Variants in SPATS2 observed in about 807,000 individuals in gnomAD.
SPATS2 encodes the protein spermatogenesis-associated serine-rich protein 2.
In SPATS2, 38 loss-of-function variants were observed where a neutral mutation model predicts 63.7. The ratio of observed to expected loss-of-function variants is 0.60; its 90% CI spans 0.46 to 0.78. The LOEUF (loss-of-function observed/expected upper bound fraction) is 0.78. Among genes scored for constraint, SPATS2 ranks in the 30% least tolerant of loss-of-function variants. The probability of loss-of-function intolerance (pLI) is 0.00; values close to 1 mark genes in which losing one functional copy is unlikely to be tolerated. For synonymous variants in SPATS2, 207 were observed against 232.9 expected, an observed-to-expected ratio of 0.89 and a Z score of 1.01; for missense variants, 588 against 666.2, an observed-to-expected ratio of 0.88 and a Z score of 1.29.
intron 2 of SPATS2, among the ~76,000 whole-genome samples, chr12:49,430,246 C>T (rs144486900): frequency 6.0e-5 from 9 of 149,250 alleles, no homozygotes; most frequent in African/African-American, 1.7e-4. Context: ...GATTACAGCA[C>T]GCCACCGTGC....
In SPATS2 at chr12:49,526,242, C is replaced by A; in HGVS notation, c.1625C>A (p.Ala542Asp). The A allele has an allele frequency of 6.2e-7, 1 of 1,608,344 alleles. No individual in the cohort carries two copies. Among genetic ancestry groups the A allele is most frequent in the South Asian group, 1.1e-5 (1 of 90,410 alleles). The change falls in exon 14 of 14, where the codon GCC becomes GAC. Residue 542 changes from alanine (A) to aspartate (D), a missense_variant. Coordinates refer to ENST00000552918, the MANE Select transcript of SPATS2 (RefSeq NM_023071.4). The stretch of plus-strand genomic sequence containing the variant: ...AAACCCAGGACCTCTCAGACTGAAG[C>A]CGTGAACTCTTGAGAGAAAATCCAG... ...QRKPRTSQTE[A>D]VNS
At chr12:49,513,210 AGTGTGTGTGTGT>A (rs71860115) in intron 9 of SPATS2, among the ~76,000 whole-genome samples, 4 of 148,024 alleles carry the variant, frequency 2.7e-5, no homozygotes, top group Non-Finnish European at 4.5e-5. Context: ...AGAGAGAAAG[AGTGTGTGTGTGT>A]GTGTGTGTGT....
At chr12:49,408,202 T>TA (rs1021538242) in intron 2 of SPATS2, among the ~76,000 whole-genome samples, 2 of 152,126 alleles carry the variant, frequency 1.3e-5, no homozygotes, top group South Asian at 2.1e-4. Context: ...ATAGCAGAGA[T>TA]ACGCCCGCTT....
At chr12:49,479,766 A>T (rs1478912945) in intron 3 of SPATS2, among the ~76,000 whole-genome samples, 1 of 152,262 alleles carries the variant, frequency 6.6e-6, no homozygotes, top group East Asian at 1.9e-4. Context: ...TGTATGTGTA[A>T]GGAATATCAG....
chr12:49,393,750 A>G (rs1944459768), intron 2 of SPATS2, among the ~76,000 whole-genome samples: 1 of 152,186 alleles, frequency 6.6e-6, no homozygotes, highest in Non-Finnish European at 1.5e-5. Context: ...ATGTGACCCC[A>G]GTAGTCTTTG....
At chr12:49,513,633 T>G (rs767534012) in intron 9 of SPATS2, among the ~76,000 whole-genome samples, 38 of 152,194 alleles carry the variant, frequency 2.5e-4, no homozygotes, top group Non-Finnish European at 5.3e-4. Context: ...TCCTTCCTAG[T>G]TACTATTATG....
chr12:49,490,646 G>A (rs149903457), intron 5 of SPATS2, 36 bp from the exon 6 acceptor site: 5 of 1,603,758 alleles, frequency 3.1e-6, no homozygotes, highest in Middle Eastern at 1.7e-4. Flanking sequence ...TGTGTGTGTG[G>A]TAGGAGACAA....
chr12:49,514,179 G>GT (rs1946801434), intron 9 of SPATS2, among the ~76,000 whole-genome samples: 1 of 151,624 alleles, frequency 6.6e-6, no homozygotes, highest in Non-Finnish European at 1.5e-5. Flanking sequence ...AAGTATGTGA[G>GT]TACATACATG....
intron 9 of SPATS2, among the ~76,000 whole-genome samples, chr12:49,509,911 C>A (rs532263289): frequency 1.2e-3 from 178 of 151,602 alleles, no homozygotes; most frequent in African/African-American, 4.2e-3. Context: ...AAAAAGGCGT[C>A]TGCATTGGCT....
In SPATS2 at chr12:49,460,831, C is replaced by A. The variant is rs1945809119; in HGVS notation, c.-182C>A. ...GATACTTCCTGACAAGAAGTTGATA[C>A]AAGAAAAGGAAAGGAGATTAACAGC... On this transcript the variant is annotated 5_prime_UTR_variant, in exon 3 of 14. Transcript: ENST00000552918. 2 of 632,606 alleles carry A rather than the reference C, an allele frequency of 3.2e-6. No homozygotes were observed. Among genetic ancestry groups the A allele is most frequent in the Non-Finnish European group, 5.7e-6 (2 of 350,182 alleles). 39.2% of individuals were successfully genotyped at this position (632,606 alleles called of 1,614,324 possible).
At chr12:49,370,740 C>T (rs1243526014) in intron 1 of SPATS2, among the ~76,000 whole-genome samples, 1 of 152,214 alleles carries the variant, frequency 6.6e-6, no homozygotes, top group Non-Finnish European at 1.5e-5. Flanking sequence ...CCCGCCTCAG[C>T]TTCCAGAGTA....
chr12:49,516,154 AAAAAAAAAAAAAATAT>A lies in SPATS2; in HGVS notation c.898+1543_898+1558del, dbSNP rs1337452306. Among the ~76,000 whole-genome samples the A allele has an allele frequency of 1.8e-3, 77 of 43,508 alleles. 4 individuals carry two copies. Among genetic ancestry groups the A allele is most frequent in the African/African-American group, 5.1e-3 (53 of 10,414 alleles). 28.5% of individuals were successfully genotyped at this position (43,508 alleles called of 152,430 possible). ...ACTCCATCTCAAAAAAAAAAAAAAA[AAAAAAAAAAAAAATAT>A]ATATATATATATATATATATATATA... On this transcript the variant is annotated intron_variant, in intron 10 of 13. Coordinates refer to ENST00000552918, the MANE Select transcript of SPATS2 (RefSeq NM_023071.4).
rs371995923 is a variant in SPATS2, at chr12:49,526,275, C to G, written c.*20C>G. 2.4e-5 allele frequency: 38 copies of G among 1,588,202 alleles called. No homozygotes were observed. Among genetic ancestry groups the G allele is most frequent in the African/African-American group, 8.1e-5 (6 of 73,954 alleles). The stretch of plus-strand genomic sequence containing the variant: ...TCTTGAGAGAAAATCCAGTTGGCCT[C>G]TCTCCTCTATCCACACAATTCAACT... On this transcript the variant is annotated 3_prime_UTR_variant, in exon 14 of 14. Transcript: ENST00000552918.
chr12:49,376,092 ATTTTTTTTTTTTT>A (rs749954777), intron 2 of SPATS2, among the ~76,000 whole-genome samples: 1 of 81,068 alleles, frequency 1.2e-5, no homozygotes, highest in Non-Finnish European at 2.2e-5. Context: ...ACCTGGCCTG[ATTTTTTTTTTTTT>A]TTTTTTTTTT....
At chr12:49,401,852 A>G (rs1385796459) in intron 2 of SPATS2, among the ~76,000 whole-genome samples, 1 of 151,522 alleles carries the variant, frequency 6.6e-6, no homozygotes, top group Non-Finnish European at 1.5e-5. Flanking sequence ...CATGTAGCAC[A>G]CTGCCCAACT....
At chr12:49,378,261 G>GTTTATTTTATTTTATTTTAT (rs199537085) in intron 2 of SPATS2, among the ~76,000 whole-genome samples, 106 of 144,216 alleles carry the variant, frequency 7.4e-4, no homozygotes, top group African/African-American at 2.4e-3. Context: ...TTGAGTTAAT[G>GTTTATTTTATTTTATTTTAT]TTTATTTTAT....
At chr12:49,470,464 CTA>C (rs1483345484) in intron 3 of SPATS2, among the ~76,000 whole-genome samples, 27 of 152,248 alleles carry the variant, frequency 1.8e-4, no homozygotes, top group Non-Finnish European at 3.2e-4. Flanking sequence ...CATTTTAAGT[CTA>C]TTATTTTCTC....
At position 49,437,790 on chromosome 12, in the gene SPATS2, C is replaced by G. The variant is rs981402743; in HGVS notation, c.-243-22980C>G. Reference sequence around the variant, plus strand: ...CCGAGATGGCAGCAGTACAGTCCAGCTTTGGCTCGGCATCAGGGGGAGACC... The same window carrying G: ...CCGAGATGGCAGCAGTACAGTCCAGGTTTGGCTCGGCATCAGGGGGAGACC... On this transcript the variant is annotated intron_variant, in intron 2 of 13. Coordinates refer to ENST00000552918, the MANE Select transcript of SPATS2 (RefSeq NM_023071.4). 1.4e-4 allele frequency among the ~76,000 whole-genome samples: 21 copies of G among 152,108 alleles called. 1 individual carries two copies. Among genetic ancestry groups the G allele is most frequent in the Non-Finnish European group, 2.6e-4 (18 of 68,002 alleles).
At chr12:49,451,847 C>T (rs1442610417) in intron 2 of SPATS2, among the ~76,000 whole-genome samples, 2 of 152,218 alleles carry the variant, frequency 1.3e-5, no homozygotes, top group Non-Finnish European at 2.9e-5. Context: ...GTCTTTATTT[C>T]ACCTTCATTT....
Sources: gnomAD v4.1 joint callset for allele counts (sites outside exome capture counted in the v4.1 genomes callset) on GRCh38, gnomAD v4.1.1 for gene constraint, MANE v1.5 for transcripts, NCBI Gene and HGNC (gene_info 2026-07-23, HGNC 2026-07-21) for gene names.